CFAP206: variants seen among roughly 807,000 people sequenced by gnomAD.
CFAP206 encodes the protein cilia and flagella associated protein 206.
Under a neutral mutation model 65.4 loss-of-function variants are expected in CFAP206, and 53 were observed. That is an observed-to-expected ratio of 0.81 (90% CI 0.65 to 1.02). CFAP206 has a LOEUF of 1.02. CFAP206 is among the 50% of genes least tolerant of loss of function. The pLI, the probability that CFAP206 is intolerant of heterozygous loss-of-function variation, is 0.00. For missense variants in CFAP206, 663 were observed against 753.2 expected (o/e 0.88, Z 1.40); for synonymous variants, 250 against 254.4 (o/e 0.98, Z 0.17).
chr6:87,430,972 T>G, intron 9 of CFAP206, 61 bp from the exon 10 acceptor site: 1 of 1,520,796 alleles, frequency 6.6e-7, no homozygotes, highest in East Asian at 2.3e-5. Context: ...TACTGCTGAT[T>G]TATTTTGGAA....
intron 11 of CFAP206, among the ~76,000 whole-genome samples, chr6:87,459,073 CTTAAGT>C (rs1311623159): frequency 3.3e-5 from 5 of 151,976 alleles, no homozygotes; most frequent in Non-Finnish European, 5.9e-5. Context: ...ATGTTGCTAT[CTTAAGT>C]TTAATACATG....
intron 10 of CFAP206, among the ~76,000 whole-genome samples, chr6:87,433,006 T>C (rs1055048591): frequency 6.6e-6 from 1 of 152,200 alleles, no homozygotes; most frequent in Admixed American, 6.5e-5. Flanking sequence ...CTTCATTGAC[T>C]TCATTGCCTA....
At position 87,426,604 on chromosome 6, in the gene CFAP206, A is replaced by C; in HGVS notation, c.919A>C (p.Thr307Pro). Residue 307 changes from threonine (T) to proline (P), a missense_variant, in exon 8 of 13, where the codon ACC becomes CCC. By Grantham distance (38) the Thr-to-Pro change is conservative (BLOSUM62 -1). Coordinates refer to ENST00000369562, the MANE Select transcript of CFAP206 (RefSeq NM_001031743.3). The part of the protein sequence containing the change: ...LGAHLEQLKM[T>P]IKSKIAVPTS... ...AGCCCATCTGGAACAACTAAAAATG[A>C]CCATAAAATCAAAGATAGCGGTCCC... 1 of 1,598,032 alleles carries C rather than the reference A, an allele frequency of 6.3e-7. No individual in the cohort carries two copies.
chr6:87,421,526 A>G (rs1767941676), intron 7 of CFAP206, among the ~76,000 whole-genome samples: 1 of 152,106 alleles, frequency 6.6e-6, no homozygotes, highest in Non-Finnish European at 1.5e-5. Flanking sequence ...TGGGTAAGAT[A>G]GTGAATTATT....
chr6:87,461,224 C>T (rs757665277), intron 12 of CFAP206, 59 bp downstream of exon 12: 1 of 1,157,820 alleles, frequency 8.6e-7, no homozygotes, highest in South Asian at 2.0e-5. Flanking sequence ...TCTATTGTTA[C>T]TCATAGAGTT....
intron 11 of CFAP206, among the ~76,000 whole-genome samples, chr6:87,450,609 C>G (rs1441057224): frequency 6.8e-6 from 1 of 147,388 alleles, no homozygotes; most frequent in Non-Finnish European, 1.5e-5. Context: ...CTTCAAATTA[C>G]CACCAGATTG....
Position 87,428,762 on chromosome 6 carries a change from T to G in CFAP206, c.1097T>G (p.Met366Arg). ...GAACTATACTTTCCTGAGAGAGTGATGCAATGTCATCTTAATGGAGCGACT... is the reference window on the plus strand; with the variant it reads ...GAACTATACTTTCCTGAGAGAGTGAGGCAATGTCATCTTAATGGAGCGACT... ...AHELYFPERV[M>R]QCHLNGATVK... The change falls in exon 9 of 13, where the codon ATG becomes AGG. Residue 366 changes from methionine to arginine, a missense_variant. Transcript: ENST00000369562. The G allele has an allele frequency of 1.9e-6, 3 of 1,614,166 alleles. No homozygotes were observed. Among genetic ancestry groups the G allele is most frequent in the Non-Finnish European group, 2.5e-6 (3 of 1,180,020 alleles).
intron 7 of CFAP206, among the ~76,000 whole-genome samples, chr6:87,419,175 A>G (rs1767896637): frequency 6.6e-6 from 1 of 150,710 alleles, no homozygotes; most frequent in African/African-American, 2.4e-5. Flanking sequence ...TATGTTGTCC[A>G]GGCTGGTCTT....
chr6:87,430,967 C>A, intron 9 of CFAP206, 66 bp from the exon 10 acceptor site: 2 of 1,474,056 alleles, frequency 1.4e-6, no homozygotes, highest in Non-Finnish European at 1.9e-6. Flanking sequence ...TGAGCTACTG[C>A]TGATTTATTT....
chr6:87,446,235 T>C (rs968791470), intron 11 of CFAP206, among the ~76,000 whole-genome samples: 48 of 152,350 alleles, frequency 3.2e-4, no homozygotes, highest in African/African-American at 1.2e-3. Flanking sequence ...TTTTTGCTTT[T>C]GTTGCTGTTG....
At position 87,461,103 on chromosome 6, in the gene CFAP206, CCAA is replaced by C. The variant is rs750704359; in HGVS notation, c.1578_1580del (p.Thr527del). On this transcript the variant is annotated inframe_deletion, in exon 12 of 13. Transcript: ENST00000369562. ...ACAGACGAATACACACATACTGCCA[CCAA>C]CGATTGTGAGATCATATGAGTGGAA... is the stretch of plus-strand genomic sequence containing the variant. The C allele has an allele frequency of 6.2e-5, 99 of 1,591,090 alleles. No homozygotes were observed. The highest frequency in any genetic ancestry group is 8.2e-5 in the Non-Finnish European group (96 of 1,172,134).
chr6:87,423,710 AAACTT>A (rs1325086085), intron 7 of CFAP206, among the ~76,000 whole-genome samples: 1 of 152,240 alleles, frequency 6.6e-6, no homozygotes, highest in South Asian at 2.1e-4. Context: ...TCCTAAAACA[AAACTT>A]AACAAGCAAG....
chr6:87,409,921 GTT>G lies in CFAP206; in HGVS notation c.84_85del (p.Ser29Ter). 1.2e-6 allele frequency: 2 copies of G among 1,611,052 alleles called. No homozygotes were observed. Among genetic ancestry groups the G allele is most frequent in the East Asian group, 4.5e-5 (2 of 44,736 alleles). On this transcript the variant is annotated frameshift_variant, in exon 2 of 13. Coordinates refer to ENST00000369562, the MANE Select transcript of CFAP206 (RefSeq NM_001031743.3). LOFTEE classifies it high-confidence loss of function. ...GQECAAHGEI[V>X]SETLIAFMVK... ...AGAATGTGCAGCCCATGGAGAGATT[GTT>G]TCTGAAACTCTGATTGCTTTTATGG...
chr6:87,428,674 A>G lies in CFAP206; in HGVS notation c.1009A>G (p.Thr337Ala), dbSNP rs1193818385. 2 of 1,614,172 alleles carry G rather than the reference A, an allele frequency of 1.2e-6. No homozygotes were observed. The highest frequency in any genetic ancestry group is 2.2e-5 in the South Asian group (2 of 91,080). The change falls in exon 9 of 13, where the codon ACT becomes GCT. Residue 337 changes from threonine to alanine, a missense_variant. By Grantham distance (58) the Thr-to-Ala change is moderately conservative. Coordinates refer to ENST00000369562, the MANE Select transcript of CFAP206 (RefSeq NM_001031743.3). ...TCTGTGGACCAGCTTGCAAGACGAA[A>G]CTATTGTGGTTGGTGTCCTCAGTAA... Reference protein sequence around the residue: ...STLWTSLQDETIVVGVLSNLF... With the variant: ...STLWTSLQDEAIVVGVLSNLF...
At chr6:87,462,849 G>T (rs1449109375) in intron 12 of CFAP206, among the ~76,000 whole-genome samples, 1 of 152,176 alleles carries the variant, frequency 6.6e-6, no homozygotes, top group Admixed American at 6.5e-5. Flanking sequence ...TTGAATGCCA[G>T]CTCCCCAAGT....
chr6:87,416,520 A>C, intron 5 of CFAP206, 149 bp from the exon 6 acceptor site: 1 of 617,930 alleles, frequency 1.6e-6, no homozygotes, highest in Non-Finnish European at 2.6e-6. Context: ...AAGTTTTATT[A>C]TGTATCCTAT....
chr6:87,445,450 C>T (rs760877049), intron 11 of CFAP206, among the ~76,000 whole-genome samples: 3 of 152,110 alleles, frequency 2.0e-5, no homozygotes, highest in East Asian at 1.9e-4. Context: ...AGTGAGAACA[C>T]GTGGTGTTTG....
chr6:87,416,169 C>A (rs985407185), intron 5 of CFAP206, among the ~76,000 whole-genome samples: 6 of 151,996 alleles, frequency 3.9e-5, no homozygotes, highest in Admixed American at 6.6e-5. Context: ...ATTGAGGGTA[C>A]CAGGCTGATT....
chr6:87,445,159 T>C lies in CFAP206; in HGVS notation c.1494+10106T>C, dbSNP rs1451400643. 7 of 297,540 alleles carry C rather than the reference T, an allele frequency of 2.4e-5. No individual in the cohort carries two copies. The Admixed American group carries it at 3.2e-4, about 13-fold the overall frequency. The allele number at this position is 297,540 out of a possible 1,614,324, so 18.4% of individuals were successfully genotyped here. A position where few individuals can be genotyped will look rare whatever the true frequency, so the allele number is the denominator to read the frequency against. The stretch of plus-strand genomic sequence containing the variant: ...TAATCCATCATCTGTTATAGCTGCA[T>C]TTTCATCTCCCCTTTCTTTTTTATT... On this transcript the variant is annotated intron_variant, in intron 11 of 12. Transcript: ENST00000369562.
Sources: allele counts gnomAD v4.1 joint callset (sites outside exome capture counted in the v4.1 genomes callset), GRCh38; gene constraint gnomAD v4.1.1; transcripts MANE v1.5; gene names NCBI Gene and HGNC (gene_info 2026-07-23, HGNC 2026-07-21).